Variants in NT5C3A observed in about 807,000 individuals in gnomAD.
NT5C3A encodes the protein 5'-nucleotidase, cytosolic IIIA.
NT5C3A carries 23 observed loss-of-function variants against 40.0 expected under a neutral mutation model. The observed-to-expected ratio is 0.58, with a 90% CI of 0.41 to 0.81. NT5C3A has a LOEUF of 0.81. Ranked by LOEUF, NT5C3A falls within the 40% of genes least tolerant of loss-of-function variation. The pLI is 0.00. For missense variants in NT5C3A, 328 were observed against 403.0 expected (o/e 0.81, Z 1.59); for synonymous variants, 130 against 141.4 (o/e 0.92, Z 0.57).
At position 33,017,507 on chromosome 7, in the gene NT5C3A, T is replaced by C; in HGVS notation, c.625A>G (p.Ile209Val). The change falls in exon 7 of 9, where the codon ATT (isoleucine) becomes GTT (valine). Residue 209 changes from isoleucine to valine, a missense_variant. Coordinates refer to ENST00000610140, the MANE Select transcript of NT5C3A (RefSeq NM_001002010.5). ...AGIGDVLEEV[I>V]RQAGVYHPNV... ...GGATGATAAACACCAGCTTGACGAATAACTTCCTCTAGTACATCGCCGATT... is the reference window on the plus strand; with the variant it reads ...GGATGATAAACACCAGCTTGACGAACAACTTCCTCTAGTACATCGCCGATT... 1 of 1,613,708 alleles carries C rather than the reference T, an allele frequency of 6.2e-7. No individual in the cohort carries two copies. Among genetic ancestry groups the C allele is most frequent in the Non-Finnish European group, 8.5e-7 (1 of 1,179,588 alleles).
intron 1 of NT5C3A, among the ~76,000 whole-genome samples, chr7:33,043,013 C>G (rs78863530): frequency 0.033 from 4,979 of 152,270 alleles, 129 homozygotes; most frequent in South Asian, 0.12. Flanking sequence ...CCTCTAAGCA[C>G]TTGACATTCC....
chr7:33,035,186 T>C (rs573923423), intron 1 of NT5C3A, among the ~76,000 whole-genome samples: 2 of 132,960 alleles, frequency 1.5e-5, no homozygotes, highest in Non-Finnish European at 3.1e-5. Flanking sequence ...TAATAAGGAA[T>C]GAGTTTTTTT....
chr7:33,050,913 T>A (rs1158607527), intron 1 of NT5C3A, among the ~76,000 whole-genome samples: 1 of 152,076 alleles, frequency 6.6e-6, no homozygotes, highest in Non-Finnish European at 1.5e-5. Context: ...GCCAGAGAAG[T>A]CTGCCACCTG....
chr7:33,030,269 C>T (rs1786171740), intron 1 of NT5C3A, among the ~76,000 whole-genome samples: 1 of 152,154 alleles, frequency 6.6e-6, no homozygotes, highest in Non-Finnish European at 1.5e-5. Flanking sequence ...AAATACATCA[C>T]ATACTTTTTG....
At position 33,017,544 on chromosome 7, in the gene NT5C3A, T is replaced by C; in HGVS notation, c.588A>G (p.Ile196Met). The change falls in exon 7 of 9, where the codon ATA becomes ATG. Residue 196 changes from isoleucine to methionine, a missense_variant. Ile to Met is a conservative substitution (Grantham distance 10, BLOSUM62 1). Around this residue, in one of 3 missense-constraint regions of NT5C3A, gnomAD observed 280 missense variants for 317.2 expected, o/e 0.88. Transcript: ENST00000610140. ...KLQQHSIPVF[I>M]FSAGIGDVLE... Reference sequence around the variant, plus strand: ...GTACATCGCCGATTCCAGCCGAAAATATGAACACGGGGATGCTATGTTGTT... The same window carrying C: ...GTACATCGCCGATTCCAGCCGAAAACATGAACACGGGGATGCTATGTTGTT... 1 of 1,613,872 alleles carries C rather than the reference T, an allele frequency of 6.2e-7. No individual in the cohort carries two copies.
chr7:33,059,429 T>G (rs565968184), intron 1 of NT5C3A, among the ~76,000 whole-genome samples: 1 of 152,344 alleles, frequency 6.6e-6, no homozygotes, highest in South Asian at 2.1e-4. Flanking sequence ...TTTCCAAACC[T>G]GCCATTTTTT....
intron 1 of NT5C3A, among the ~76,000 whole-genome samples, chr7:33,031,373 G>A (rs906438197): frequency 3.3e-5 from 5 of 151,274 alleles, no homozygotes; most frequent in African/African-American, 7.3e-5. Flanking sequence ...GGATCACTTG[G>A]GCTCAGCAGC....
In NT5C3A at chr7:33,037,103, C is replaced by T. The variant is rs1273028128; in HGVS notation, c.139-10188G>A. ...GGGATTACAGGCATGAGCCACTGCG[C>T]CCGGCCTAAAATCTTTAATTTTTTA... On this transcript the variant is annotated intron_variant, in intron 1 of 8. Coordinates refer to ENST00000610140, the MANE Select transcript of NT5C3A (RefSeq NM_001002010.5). 2.0e-5 allele frequency among the ~76,000 whole-genome samples: 3 copies of T among 152,342 alleles called. 1 individual carries two copies. Among genetic ancestry groups the T allele is most frequent in the East Asian group, 3.9e-4 (2 of 5,188 alleles).
intron 3 of NT5C3A, among the ~76,000 whole-genome samples, chr7:33,023,113 T>C (rs542363758): frequency 6.6e-6 from 1 of 151,924 alleles, no homozygotes; most frequent in South Asian, 2.1e-4. Flanking sequence ...GGTCTTATTA[T>C]GTTGCTCAGG....
intron 1 of NT5C3A, among the ~76,000 whole-genome samples, chr7:33,053,489 A>G (rs1445701727): frequency 6.6e-6 from 1 of 151,886 alleles, no homozygotes; most frequent in Non-Finnish European, 1.5e-5. Flanking sequence ...CCCAGCCACA[A>G]GACCCTGTCT....
At chr7:33,060,169 T>C (rs190161513) in intron 1 of NT5C3A, among the ~76,000 whole-genome samples, 288 of 152,232 alleles carry the variant, frequency 1.9e-3, no homozygotes, top group African/African-American at 6.3e-3. Context: ...CCCAGGCTGG[T>C]CTCGAACTCC....
At chr7:33,017,207 G>A in intron 7 of NT5C3A, 3 of 476,504 alleles carry the variant, frequency 6.3e-6, no homozygotes, top group Non-Finnish European at 1.1e-5. Flanking sequence ...AAAAGAAGAA[G>A]TTTTACTACT....
At chr7:33,038,790 A>G (rs568424212) in intron 1 of NT5C3A, 193 of 455,040 alleles carry the variant, frequency 4.2e-4, no homozygotes, top group Non-Finnish European at 7.8e-4. Context: ...TTGTAAACCT[A>G]TACCTGGTAT....
intron 1 of NT5C3A, among the ~76,000 whole-genome samples, chr7:33,039,739 C>T (rs183630376): frequency 6.6e-6 from 1 of 151,614 alleles, no homozygotes; most frequent in East Asian, 1.9e-4. Context: ...CAAAGTGAAA[C>T]TTTCTCAATA....
chr7:33,026,110 G>T (rs983096904), intron 2 of NT5C3A, among the ~76,000 whole-genome samples: 1 of 152,144 alleles, frequency 6.6e-6, no homozygotes, highest in Non-Finnish European at 1.5e-5. Context: ...TGCTTGAACC[G>T]GGAAGCAGAG....
intron 1 of NT5C3A, among the ~76,000 whole-genome samples, chr7:33,037,121 A>AT (rs1296268519): frequency 6.6e-6 from 1 of 152,122 alleles, no homozygotes; most frequent in African/African-American, 2.4e-5. Context: ...AAAATCTTTA[A>AT]TTTTTTAATA....
chr7:33,039,443 A>T (rs1786789175), intron 1 of NT5C3A, among the ~76,000 whole-genome samples: 1 of 152,114 alleles, frequency 6.6e-6, no homozygotes, highest in Admixed American at 6.5e-5. Flanking sequence ...TTACTCACAT[A>T]AGAAAAGGCA....
At chr7:33,025,244 C>G (rs1046454237) in intron 2 of NT5C3A, among the ~76,000 whole-genome samples, 1 of 152,186 alleles carries the variant, frequency 6.6e-6, no homozygotes, top group Non-Finnish European at 1.5e-5. Flanking sequence ...CTACTCTTCT[C>G]ACTAGAGATT....
At chr7:33,050,611 GCA>G in intron 1 of NT5C3A, among the ~76,000 whole-genome samples, 1 of 152,332 alleles carries the variant, frequency 6.6e-6, no homozygotes, top group Admixed American at 6.5e-5. Context: ...GATCTTGCAA[GCA>G]CTGGCTCTCT....
Sources: gnomAD v4.1 joint callset for allele counts (sites outside exome capture counted in the v4.1 genomes callset) on GRCh38, gnomAD v4.1.1 for gene constraint, gnomAD v4.1.1 regional missense constraint, MANE v1.5 for transcripts, NCBI Gene and HGNC (gene_info 2026-07-23, HGNC 2026-07-21) for gene names.